The following AAK1 variants were observed in gnomAD, a reference collection of about 807,000 sequenced individuals.
AAK1 encodes AP2 associated kinase 1, also known as AP2-associated protein kinase 1.
Under a neutral mutation model 116.0 loss-of-function variants are expected in AAK1, and 37 were observed. The observed-to-expected ratio is 0.32, with a 90% CI of 0.25 to 0.42. The LOEUF (loss-of-function observed/expected upper bound fraction) is 0.42. Among genes scored for constraint, AAK1 ranks in the 10% least tolerant of loss-of-function variants. The pLI, the probability that AAK1 is intolerant of heterozygous loss-of-function variation, is 1.00. For missense variants in AAK1, 919 were observed against 1,170.6 expected (o/e 0.79, Z 3.14); for synonymous variants, 458 against 439.9 (o/e 1.04, Z -0.51).
In AAK1 at chr2:69,475,570, T is replaced by C. The variant is rs925955481; in HGVS notation, c.*299A>G. On this transcript the variant is annotated 3_prime_UTR_variant, in exon 22 of 22. Coordinates refer to ENST00000409085, the MANE Select transcript of AAK1 (RefSeq NM_014911.5). ...ACAGTTAAGCTTTTGGTGGAGTTGA[T>C]TCCAGCAGAGGTGAAGCTCATGGCA... 10 of 1,120,870 alleles carry C rather than the reference T, an allele frequency of 8.9e-6. No homozygotes were observed. The African/African-American group carries it at 1.4e-4, about 16-fold the overall frequency. The allele number at this position is 1,120,870 out of a possible 1,614,324, so 69.4% of individuals were successfully genotyped here.
chr2:69,508,440 T>A (rs1482256842), intron 14 of AAK1, among the ~76,000 whole-genome samples: 3 of 152,184 alleles, frequency 2.0e-5, no homozygotes, highest in African/African-American at 7.2e-5. Context: ...AACTTTAGAG[T>A]GTATGGTTCT....
chr2:69,544,417 G>C lies in AAK1; in HGVS notation c.391+19C>G. 2 of 1,563,978 alleles carry C rather than the reference G, an allele frequency of 1.3e-6. No homozygotes were observed. The highest frequency in any genetic ancestry group is 1.8e-6 in the Non-Finnish European group (2 of 1,135,074). ...ATGCTAGAGAAATGACAGCTTAAGGGAATGGTTCATATACATACCTCTACA... is the reference window on the plus strand; with the variant it reads ...ATGCTAGAGAAATGACAGCTTAAGGCAATGGTTCATATACATACCTCTACA... On this transcript the variant is annotated intron_variant, in intron 4 of 21. Transcript: ENST00000409085.
chr2:69,626,637 C>T (rs557279251), intron 2 of AAK1, among the ~76,000 whole-genome samples: 1 of 149,704 alleles, frequency 6.7e-6, no homozygotes, highest in African/African-American at 2.5e-5. Context: ...GTAGGTGGGA[C>T]TATAGGTGCA....
chr2:69,545,743 CA>C (rs1558950345), intron 3 of AAK1, among the ~76,000 whole-genome samples: 1 of 152,110 alleles, frequency 6.6e-6, no homozygotes, highest in Non-Finnish European at 1.5e-5. Context: ...AAAGTTCAGA[CA>C]AAAGTAGAAA....
At position 69,469,264 on chromosome 2, in the gene AAK1, A is replaced by C. The variant is rs2104867252; in HGVS notation, c.*6605T>G. ...ATGCCAGAGAATATGGGGGAAGCCC[A>C]GACCTCCACATTCCCTTAAGGAATT... On this transcript the variant is annotated 3_prime_UTR_variant, in exon 22 of 22. Coordinates refer to ENST00000409085, the MANE Select transcript of AAK1 (RefSeq NM_014911.5). The C allele has an allele frequency of 1.0e-6, 1 of 985,476 alleles. No homozygotes were observed. 61.0% of individuals were successfully genotyped at this position (985,476 alleles called of 1,614,324 possible). A position where few individuals can be genotyped will look rare whatever the true frequency, so the allele number is the denominator to read the frequency against.
At chr2:69,595,036 C>A in intron 2 of AAK1, 1 of 741,576 alleles carries the variant, frequency 1.3e-6, no homozygotes, top group Non-Finnish European at 2.5e-6. Flanking sequence ...ACAAGTCCAG[C>A]GGGTTTTAGG....
intron 18 of AAK1, chr2:69,482,479 A>C (rs866540805): frequency 1.6e-6 from 1 of 630,898 alleles, no homozygotes; most frequent in Middle Eastern, 3.7e-4. Context: ...CTCCTCATTC[A>C]TAAGAGATCC....
chr2:69,607,417 C>G (rs1035263173), intron 2 of AAK1, among the ~76,000 whole-genome samples: 1 of 152,114 alleles, frequency 6.6e-6, no homozygotes, highest in African/African-American at 2.4e-5. Flanking sequence ...AAGACTTTGC[C>G]TTGATTTCTG....
chr2:69,519,873 T>C (rs1393597341), intron 11 of AAK1, among the ~76,000 whole-genome samples: 1 of 152,224 alleles, frequency 6.6e-6, no homozygotes, highest in Non-Finnish European at 1.5e-5. Flanking sequence ...TTTCTATTTT[T>C]TTTTTAGGCA....
chr2:69,510,742 C>CT (rs1286579752), intron 13 of AAK1, among the ~76,000 whole-genome samples: 1 of 152,090 alleles, frequency 6.6e-6, no homozygotes, highest in Non-Finnish European at 1.5e-5. Flanking sequence ...ATATAAGATC[C>CT]TATTTCTGTG....
rs573870371 is a variant in AAK1, at chr2:69,481,097, G to A, written c.2468-136C>T. The A allele has an allele frequency of 2.2e-3, 1,611 of 744,810 alleles. 4 individuals are homozygous for A. Among genetic ancestry groups the A allele is most frequent in the South Asian group, 5.6e-3 (287 of 51,488 alleles). The allele number at this position is 744,810 out of a possible 1,614,324, so 46.1% of individuals were successfully genotyped here. ...GATGGTGTCTTGCTCCTGAGCTCAA[G>A]CGATCTATCCCACCTTGGCCTCCCA... On this transcript the variant is annotated intron_variant, in intron 18 of 21. Transcript: ENST00000409085.
chr2:69,585,441 C>T (rs866920321), intron 2 of AAK1, among the ~76,000 whole-genome samples: 2 of 152,134 alleles, frequency 1.3e-5, no homozygotes, highest in African/African-American at 2.4e-5. Flanking sequence ...ATTTATGCTT[C>T]GGCACTGAGT....
intron 18 of AAK1, 51 bp from the exon 19 acceptor site, chr2:69,481,012 GAA>G (rs1011224457): frequency 1.4e-6 from 2 of 1,410,692 alleles, no homozygotes; most frequent in African/African-American, 2.9e-5. Flanking sequence ...AAGGGAGTCA[GAA>G]GTTTCTTTAG....
At chr2:69,540,978 G>A (rs555895139) in intron 5 of AAK1, among the ~76,000 whole-genome samples, 2 of 152,128 alleles carry the variant, frequency 1.3e-5, no homozygotes, top group South Asian at 2.1e-4. Flanking sequence ...AAAACATTGT[G>A]CTAAGTGAAA....
At chr2:69,558,246 G>A (rs1428729661) in intron 2 of AAK1, among the ~76,000 whole-genome samples, 1 of 151,968 alleles carries the variant, frequency 6.6e-6, no homozygotes, top group Non-Finnish European at 1.5e-5. Context: ...GGAAGGCTGA[G>A]GTGGGAAGGA....
rs1674432675 is a variant in AAK1, at chr2:69,464,685, A to G, written c.*11184T>C. On this transcript the variant is annotated 3_prime_UTR_variant, in exon 22 of 22. Transcript: ENST00000409085. ...ACACACAAACCTGTACACTCACACT[A>G]ATTTCAAAAGCATGGATGTGGGGAA... The G allele has an allele frequency of 1.3e-5, 2 of 152,620 alleles. No individual in the cohort carries two copies. The highest frequency in any genetic ancestry group is 4.8e-5 in the African/African-American group (2 of 41,434). 9.5% of individuals were successfully genotyped at this position (152,620 alleles called of 1,614,324 possible).
chr2:69,621,523 T>C (rs1674626984), intron 2 of AAK1, among the ~76,000 whole-genome samples: 1 of 151,360 alleles, frequency 6.6e-6, no homozygotes, highest in African/African-American at 2.4e-5. Context: ...TTGACAGACC[T>C]CAAATGAGAT....
rs1176401016 is a variant in AAK1 at position 69,497,295 on chromosome 2, C to CTTTTTT, written c.2270-1221_2270-1216dup. Among the ~76,000 whole-genome samples, 424 of 76,046 alleles carry CTTTTTT rather than the reference C, an allele frequency of 5.6e-3. 5 individuals carry two copies. The highest frequency in any genetic ancestry group is 7.8e-3 in the African/African-American group (121 of 15,566). The allele number at this position is 76,046 out of a possible 152,430, so 49.9% of individuals were successfully genotyped here. On this transcript the variant is annotated intron_variant, in intron 16 of 21. Transcript: ENST00000409085. ...CCACATGCAGCTTTACATTATCATT[C>CTTTTTT]TTTTTTTTTTTTTTTTTTTTTTTTT...
intron 2 of AAK1, among the ~76,000 whole-genome samples, chr2:69,584,193 A>G (rs1398548010): frequency 6.6e-6 from 1 of 152,058 alleles, no homozygotes; most frequent in East Asian, 1.9e-4. Flanking sequence ...CCCTTTAACA[A>G]TCTAGCATCT....
Sources: gnomAD v4.1 joint callset for allele counts (sites outside exome capture counted in the v4.1 genomes callset) on GRCh38, gnomAD v4.1.1 for gene constraint, MANE v1.5 for transcripts, NCBI Gene and HGNC (gene_info 2026-07-23, HGNC 2026-07-21) for gene names.